The following STK32C variants were observed in gnomAD, a reference collection of about 807,000 sequenced individuals.
STK32C encodes serine/threonine kinase 32C.
A neutral mutation model predicts 56.5 loss-of-function variants in STK32C; 31 were observed. That is an observed-to-expected ratio of 0.55 (90% CI 0.41 to 0.74). STK32C has a LOEUF of 0.74. Among genes scored for constraint, STK32C ranks in the 30% least tolerant of loss-of-function variants. The probability of loss-of-function intolerance (pLI) is 0.00; values close to 1 mark genes in which losing one functional copy is unlikely to be tolerated. For missense variants in STK32C, 544 were observed against 676.9 expected (o/e 0.80, Z 2.18); for synonymous variants, 309 against 289.4 (o/e 1.07, Z -0.69).
At chr10:132,227,614 A>G (rs886451371) in intron 3 of STK32C, among the ~76,000 whole-genome samples, 9 of 128,640 alleles carry the variant, frequency 7.0e-5, no homozygotes, top group Admixed American at 2.6e-4. Flanking sequence ...GATGGCGATG[A>G]TGGTGGTGAT....
At position 132,227,928 on chromosome 10, in the gene STK32C, C is replaced by T. The variant is rs143397522; in HGVS notation, c.470+49G>A. On this transcript the variant is annotated intron_variant, in intron 3 of 11. Coordinates refer to ENST00000298630, the MANE Select transcript of STK32C (RefSeq NM_173575.4). ...CAGGAGAGGATAGCCAGTGCCTTCC[C>T]GGCTTCAGGACGGTAAGTCTTTCTG... is the stretch of plus-strand genomic sequence containing the variant. 1.2e-4 allele frequency: 185 copies of T among 1,597,498 alleles called. 1 individual carries two copies. The highest frequency in any genetic ancestry group is 5.0e-4 in the East Asian group (22 of 44,146).
chr10:132,231,890 C>A (rs4880242), intron 2 of STK32C, among the ~76,000 whole-genome samples: 1 of 152,102 alleles, frequency 6.6e-6, no homozygotes, highest in Non-Finnish European at 1.5e-5. Flanking sequence ...CGGGTCCTCC[C>A]ACGGAGCCGC....
At position 132,225,239 on chromosome 10, in the gene STK32C, T is replaced by C; in HGVS notation, c.870A>G (p.Arg290=). The part of the protein sequence containing the change: ...SVGVMAYELL[R]GWRPYDIHSS... ...GGCTGCAGGGGGTCCATACCCATCC[T>C]CGCAGCAGCTCATAGGCCATCACCC... The change falls in exon 7 of 12, where the codon CGA becomes CGG. Residue 290 remains arginine (R), a synonymous_variant. Coordinates refer to ENST00000298630, the MANE Select transcript of STK32C (RefSeq NM_173575.4). 1 of 1,609,092 alleles carries C rather than the reference T, an allele frequency of 6.2e-7. No individual in the cohort carries two copies. Among genetic ancestry groups the C allele is most frequent in the Non-Finnish European group, 8.5e-7 (1 of 1,177,698 alleles).
At chr10:132,316,825 G>A (rs543555728) in intron 1 of STK32C, among the ~76,000 whole-genome samples, 4 of 152,080 alleles carry the variant, frequency 2.6e-5, no homozygotes, top group Non-Finnish European at 5.9e-5. Context: ...GGAGGCAAAG[G>A]CTGGTGGATC....
intron 1 of STK32C, among the ~76,000 whole-genome samples, chr10:132,294,065 G>A (rs533223680): frequency 2.6e-5 from 4 of 152,328 alleles, no homozygotes; most frequent in South Asian, 2.1e-4. Flanking sequence ...ATGTCGAGTC[G>A]GAGGGTGGAC....
chr10:132,253,417 G>T (rs2063978870), intron 1 of STK32C, among the ~76,000 whole-genome samples: 1 of 150,972 alleles, frequency 6.6e-6, no homozygotes, highest in African/African-American at 2.4e-5. Flanking sequence ...GAGCTGGAGG[G>T]AGCTGGAGGG....
At chr10:132,238,798 CCACATACA>C (rs2063391585) in intron 2 of STK32C, among the ~76,000 whole-genome samples, 1 of 152,038 alleles carries the variant, frequency 6.6e-6, no homozygotes, top group Admixed American at 6.5e-5. Context: ...CACACACATA[CCACATACA>C]CACATGCACA....
intron 1 of STK32C, among the ~76,000 whole-genome samples, chr10:132,250,671 G>A (rs1037920512): frequency 1.3e-5 from 2 of 152,008 alleles, no homozygotes; most frequent in South Asian, 2.1e-4. Flanking sequence ...GCCCCGCCCC[G>A]AGTGCAGGTG....
intron 2 of STK32C, among the ~76,000 whole-genome samples, chr10:132,234,298 TC>T (rs1202170093): frequency 6.6e-6 from 1 of 152,178 alleles, no homozygotes; most frequent in Non-Finnish European, 1.5e-5. Context: ...CTCCCTTGTG[TC>T]CTCCTGACAC....
chr10:132,239,212 G>A (rs924037637), intron 2 of STK32C, among the ~76,000 whole-genome samples: 27 of 152,282 alleles, frequency 1.8e-4, no homozygotes, highest in African/African-American at 5.3e-4. Flanking sequence ...AGCACTGTGT[G>A]CACTGAGCCT....
At chr10:132,253,089 T>C (rs1248952356) in intron 1 of STK32C, among the ~76,000 whole-genome samples, 1 of 152,236 alleles carries the variant, frequency 6.6e-6, no homozygotes, top group Non-Finnish European at 1.5e-5. Flanking sequence ...AGCAGGGACG[T>C]TCGTCCTCCC....
At chr10:132,292,677 G>C (rs2065605605) in intron 1 of STK32C, among the ~76,000 whole-genome samples, 4 of 152,308 alleles carry the variant, frequency 2.6e-5, no homozygotes, top group Admixed American at 2.6e-4. Context: ...CAGGTGCTCT[G>C]AGGGGCACCC....
At chr10:132,304,670 T>C (rs2066004796) in intron 1 of STK32C, among the ~76,000 whole-genome samples, 1 of 152,212 alleles carries the variant, frequency 6.6e-6, no homozygotes, top group South Asian at 2.1e-4. Flanking sequence ...GCATAAAGTA[T>C]AGAATGTTTT....
At chr10:132,331,344 G>A (rs2066721685) in intron 1 of STK32C, 1 of 1,314,376 alleles carries the variant, frequency 7.6e-7, no homozygotes, top group Non-Finnish European at 1.0e-6. Flanking sequence ...CGGGACTCCA[G>A]GGTTCCACAG....
At chr10:132,291,012 C>A (rs2065547015) in intron 1 of STK32C, among the ~76,000 whole-genome samples, 1 of 152,240 alleles carries the variant, frequency 6.6e-6, no homozygotes, top group African/African-American at 2.4e-5. Context: ...TGCCTCCCTT[C>A]CGGCTCTCTC....
At chr10:132,226,648 A>G in intron 4 of STK32C, 147 bp downstream of exon 4, 1 of 943,768 alleles carries the variant, frequency 1.1e-6, no homozygotes, top group South Asian at 1.6e-5. Flanking sequence ...CAGGTGCCAC[A>G]GCTGGGGGCA....
chr10:132,222,820 C>T (rs1305932826), intron 9 of STK32C, 41 bp downstream of exon 9: 1 of 1,593,208 alleles, frequency 6.3e-7, no homozygotes, highest in Non-Finnish European at 8.5e-7. Flanking sequence ...GACGCCACAT[C>T]CATCCCCAGG....
At chr10:132,306,782 G>A (rs1017178563) in intron 1 of STK32C, 1 of 152,258 alleles carries the variant, frequency 6.6e-6, no homozygotes, top group Non-Finnish European at 1.5e-5. Context: ...GAAAAGAGCT[G>A]TATGTCTGCA....
intron 7 of STK32C, 59 bp from the exon 8 acceptor site, chr10:132,224,582 A>AT: frequency 2.3e-6 from 3 of 1,295,178 alleles, no homozygotes; most frequent in Non-Finnish European, 3.3e-6. Context: ...ACCCAGAACA[A>AT]TGCCAGACAC....
Sources: allele counts gnomAD v4.1 joint callset (sites outside exome capture counted in the v4.1 genomes callset), GRCh38; gene constraint gnomAD v4.1.1; transcripts MANE v1.5; gene names NCBI Gene and HGNC (gene_info 2026-07-23, HGNC 2026-07-21).